Variants in WDFY3 observed in about 807,000 individuals in gnomAD.
The protein encoded by WDFY3 is WD repeat and FYVE domain-containing protein 3.
Under a neutral mutation model 409.6 loss-of-function variants are expected in WDFY3, and 66 were observed. The observed-to-expected ratio is 0.16, with a 90% confidence interval of 0.13 to 0.20. The LOEUF is 0.20. WDFY3 is among the 10% of genes least tolerant of loss of function. The probability of loss-of-function intolerance (pLI) is 1.00; values close to 1 mark genes in which losing one functional copy is unlikely to be tolerated. For synonymous variants in WDFY3, 1,521 were observed against 1,537.1 expected (o/e 0.99, Z 0.25); for missense variants, 3,031 against 4,298.1 (o/e 0.71, Z 8.24).
chr4:84,786,037 G>C lies in WDFY3; in HGVS notation c.4004C>G (p.Thr1335Arg). ...ATACACTTTCCGGATTCTTGCCACTGTTAGAGACGACACAGAGAGTGCATA... is the reference window on the plus strand; with the variant it reads ...ATACACTTTCCGGATTCTTGCCACTCTTAGAGACGACACAGAGAGTGCATA... ...GLYALSVSSL[T>R]VARIRKVYNK... is the part of the protein sequence containing the mutation. Residue 1335 changes from threonine (T) to arginine (R), a missense_variant, in exon 24 of 68, where the codon ACA becomes AGA. This residue lies in a region of WDFY3 where 1,322 missense variants were observed against 1,697.9 expected (regional missense o/e 0.78). Coordinates refer to ENST00000295888, the MANE Select transcript of WDFY3 (RefSeq NM_014991.6). 4.3e-6 allele frequency: 7 copies of C among 1,614,036 alleles called. No homozygotes were observed. Among genetic ancestry groups the C allele is most frequent in the Non-Finnish European group, 5.9e-6 (7 of 1,179,964 alleles).
At chr4:84,920,551 A>C (rs1769137523) in intron 2 of WDFY3, among the ~76,000 whole-genome samples, 1 of 152,214 alleles carries the variant, frequency 6.6e-6, no homozygotes, top group Non-Finnish European at 1.5e-5. Context: ...AATCTGGATA[A>C]AGGGCAACTG....
At chr4:84,719,951 CT>C (rs1231565874) in intron 47 of WDFY3, among the ~76,000 whole-genome samples, 2 of 152,166 alleles carry the variant, frequency 1.3e-5, no homozygotes, top group African/African-American at 4.8e-5. Flanking sequence ...CTAGTGACTA[CT>C]TCTTAGAGGG....
chr4:84,964,548 G>A (rs1198999558), intron 1 of WDFY3, among the ~76,000 whole-genome samples: 2 of 152,194 alleles, frequency 1.3e-5, no homozygotes, highest in Non-Finnish European at 2.9e-5. Flanking sequence ...TGGAATTTAA[G>A]AATCTCTTCA....
intron 67 of WDFY3, among the ~76,000 whole-genome samples, chr4:84,675,887 T>C (rs960208270): frequency 2.6e-5 from 4 of 152,152 alleles, no homozygotes; most frequent in Non-Finnish European, 4.4e-5. Flanking sequence ...ACCTTTCATA[T>C]GGGGGAAAAA....
At chr4:84,754,043 G>C (rs1740992977) in intron 34 of WDFY3, among the ~76,000 whole-genome samples, 167 bp from the exon 35 acceptor site, 3 of 152,124 alleles carry the variant, frequency 2.0e-5, no homozygotes, top group Admixed American at 6.6e-5. Context: ...CACATGCAAA[G>C]AAATTTAGAA....
intron 47 of WDFY3, among the ~76,000 whole-genome samples, chr4:84,720,038 A>C (rs1426431026): frequency 1.3e-5 from 2 of 152,242 alleles, no homozygotes; most frequent in Non-Finnish European, 2.9e-5. Flanking sequence ...TATTCATGAC[A>C]CATTCAAGTC....
chr4:84,732,545 T>C (rs1178013864), intron 44 of WDFY3, among the ~76,000 whole-genome samples: 2 of 152,168 alleles, frequency 1.3e-5, no homozygotes, highest in African/African-American at 4.8e-5. Context: ...CCTCACTTCT[T>C]GGCCTCTGGA....
At chr4:84,724,219 G>A (rs1269702358) in intron 46 of WDFY3, among the ~76,000 whole-genome samples, 2 of 152,166 alleles carry the variant, frequency 1.3e-5, no homozygotes, top group Non-Finnish European at 2.9e-5. Context: ...CAATGGGCAC[G>A]TGATATTCAT....
chr4:84,937,804 C>A (rs1771619898), intron 1 of WDFY3, among the ~76,000 whole-genome samples: 1 of 152,106 alleles, frequency 6.6e-6, no homozygotes, highest in African/African-American at 2.4e-5. Context: ...ACAGGCCAGG[C>A]ACATCCTTGC....
intron 27 of WDFY3, 96 bp from the exon 28 acceptor site, chr4:84,775,234 C>G: frequency 1.0e-6 from 1 of 994,452 alleles, no homozygotes; most frequent in Non-Finnish European, 1.5e-6. Flanking sequence ...ACTTATTTCA[C>G]TTATATAATT....
Position 84,725,135 on chromosome 4 carries a change from T to A in WDFY3, c.7273-541A>T, listed in dbSNP as rs535668601. On this transcript the variant is annotated intron_variant, in intron 45 of 67. Coordinates refer to ENST00000295888, the MANE Select transcript of WDFY3 (RefSeq NM_014991.6). ...GGTTTCACTGAGAATGGCCAAAATCTTCTTCAGATCCTTCTGAGAGTCCTG... is the reference window on the plus strand; with the variant it reads ...GGTTTCACTGAGAATGGCCAAAATCATCTTCAGATCCTTCTGAGAGTCCTG... Among the ~76,000 whole-genome samples, 16 of 152,306 alleles carry A rather than the reference T, an allele frequency of 1.1e-4. 1 individual carries two copies. In the South Asian group the frequency reaches 3.3e-3, roughly 32 times the overall value.
intron 3 of WDFY3, among the ~76,000 whole-genome samples, chr4:84,864,836 G>C (rs1431135962): frequency 2.0e-5 from 3 of 152,100 alleles, no homozygotes; most frequent in African/African-American, 7.2e-5. Context: ...TTGGCATCAG[G>C]TAACAATCAG....
At chr4:84,865,912 A>G (rs1761324737) in intron 3 of WDFY3, among the ~76,000 whole-genome samples, 1 of 152,134 alleles carries the variant, frequency 6.6e-6, no homozygotes, top group Non-Finnish European at 1.5e-5. Context: ...TCTACAAAAA[A>G]TACAAAAATT....
At chr4:84,893,895 C>G (rs1765262228) in intron 3 of WDFY3, among the ~76,000 whole-genome samples, 1 of 151,728 alleles carries the variant, frequency 6.6e-6, no homozygotes, top group Non-Finnish European at 1.5e-5. Flanking sequence ...GAGGCTGAGG[C>G]AGAGAATTTC....
intron 29 of WDFY3, 37 bp from the exon 30 acceptor site, chr4:84,772,966 T>C (rs1481803588): frequency 2.0e-6 from 3 of 1,508,740 alleles, no homozygotes; most frequent in Non-Finnish European, 2.7e-6. Flanking sequence ...GGATTTTCTT[T>C]TTCCTCTTCC....
At chr4:84,850,944 T>TTTTTTTTTG (rs1758897655) in intron 4 of WDFY3, among the ~76,000 whole-genome samples, 1 of 72,408 alleles carries the variant, frequency 1.4e-5, no homozygotes, top group Non-Finnish European at 3.1e-5. Context: ...TTTTTTTTTT[T>TTTTTTTTTG]TTTTTTTTTT....
chr4:84,958,356 T>G (rs1774501179), intron 1 of WDFY3, among the ~76,000 whole-genome samples: 2 of 152,260 alleles, frequency 1.3e-5, no homozygotes, highest in Admixed American at 1.3e-4. Flanking sequence ...TTTCAATGAT[T>G]AATCCTATGT....
At chr4:84,705,335 CATA>C (rs1731752566) in intron 54 of WDFY3, 56 bp downstream of exon 54, 1 of 1,377,084 alleles carries the variant, frequency 7.3e-7, no homozygotes, top group Admixed American at 1.7e-5. Flanking sequence ...CAGACCGCTA[CATA>C]ATGACTTACT....
intron 5 of WDFY3, among the ~76,000 whole-genome samples, chr4:84,842,556 G>A (rs1405384026): frequency 5.3e-5 from 8 of 151,324 alleles, no homozygotes; most frequent in Admixed American, 2.6e-4. Flanking sequence ...GGTGGCTCAC[G>A]CCACCAAGGT....
Sources: gnomAD v4.1 joint callset for allele counts (sites outside exome capture counted in the v4.1 genomes callset) on GRCh38, gnomAD v4.1.1 for gene constraint, gnomAD v4.1.1 regional missense constraint, MANE v1.5 for transcripts, NCBI Gene and HGNC (gene_info 2026-07-23, HGNC 2026-07-21) for gene names.